Variants in SLC7A5 observed in about 807,000 individuals in gnomAD.
The protein encoded by SLC7A5 is solute carrier family 7 member 5.
Under a neutral mutation model 50.2 loss-of-function variants are expected in SLC7A5, and 23 were observed. The observed-to-expected ratio is 0.46, with a 90% CI of 0.33 to 0.65. The LOEUF is 0.65. SLC7A5 is among the 30% of genes least tolerant of loss of function. SLC7A5 has a pLI of 0.02. For synonymous variants in SLC7A5, 393 were observed against 330.6 expected (o/e 1.19, Z -2.05); for missense variants, 578 against 684.4 (o/e 0.84, Z 1.73).
At chr16:87,846,233 A>C (rs113762230) in intron 2 of SLC7A5, among the ~76,000 whole-genome samples, 5,963 of 152,182 alleles carry the variant, frequency 0.039, 377 homozygotes, top group African/African-American at 0.13. Flanking sequence ...TGACCCTGAG[A>C]CTGTCTGAGA....
chr16:87,855,195 G>A (rs781041017), intron 1 of SLC7A5, among the ~76,000 whole-genome samples: 3 of 152,132 alleles, frequency 2.0e-5, no homozygotes, highest in East Asian at 1.9e-4. Context: ...CACTGCTCTC[G>A]CCACGTGCCC....
At position 87,869,262 on chromosome 16, in the gene SLC7A5, T is replaced by A. The variant is rs1257028266; in HGVS notation, c.161A>T (p.Asn54Ile). ...VTLQRNITLL[N>I]GVAIIVGTII... Reference sequence around the variant, plus strand: ...GGTCCCCACGATGATGGCCACGCCGTTGAGCAGCGTGATGTTCCGCTGCAG... The same window carrying A: ...GGTCCCCACGATGATGGCCACGCCGATGAGCAGCGTGATGTTCCGCTGCAG... The change falls in exon 1 of 10, where the codon AAC (asparagine) becomes ATC (isoleucine). Residue 54 changes from asparagine (N) to isoleucine (I), a missense_variant. By Grantham distance (149) the Asn-to-Ile change is moderately radical. Transcript: ENST00000261622. 1 of 1,612,386 alleles carries A rather than the reference T, an allele frequency of 6.2e-7. No individual in the cohort carries two copies. The highest frequency in any genetic ancestry group is 8.5e-7 in the Non-Finnish European group (1 of 1,179,832).
intron 2 of SLC7A5, among the ~76,000 whole-genome samples, chr16:87,843,576 CAG>C (rs1394655108): frequency 6.6e-6 from 1 of 151,928 alleles, no homozygotes; most frequent in Non-Finnish European, 1.5e-5. Flanking sequence ...ACGCTACACA[CAG>C]GGGAGAGACA....
At chr16:87,868,462 T>G (rs1333579775) in intron 1 of SLC7A5, among the ~76,000 whole-genome samples, 1 of 152,250 alleles carries the variant, frequency 6.6e-6, no homozygotes, top group African/African-American at 2.4e-5. Flanking sequence ...AATGATTTTT[T>G]TTTTAACTGC....
rs1185996990 is a variant in SLC7A5 at position 87,862,634 on chromosome 16, GCA to G, written c.538+6249_538+6250del. Among the ~76,000 whole-genome samples, 2 of 152,216 alleles carry G rather than the reference GCA, an allele frequency of 1.3e-5. No individual in the cohort carries two copies. Among genetic ancestry groups the G allele is most frequent in the African/African-American group, 4.8e-5 (2 of 41,444 alleles). ...AGTGAGGCTGAGGGCTGCTCCATGT[GCA>G]CAGTGAGCAGGAGATACAGGCACGT... On this transcript the variant is annotated intron_variant, in intron 1 of 9. Coordinates refer to ENST00000261622, the MANE Select transcript of SLC7A5 (RefSeq NM_003486.7). The surrounding 1 kb of genome is among the most constrained non-coding windows in gnomAD (Gnocchi z 5.3).
intron 2 of SLC7A5, among the ~76,000 whole-genome samples, chr16:87,842,558 T>C (rs79384409): frequency 0.035 from 5,255 of 152,292 alleles, 296 homozygotes; most frequent in African/African-American, 0.12. Context: ...CCAGTTCCTG[T>C]TTTGCACCTG....
chr16:87,863,764 G>A (rs1479728864), intron 1 of SLC7A5: 4 of 151,748 alleles, frequency 2.6e-5, no homozygotes, highest in East Asian at 1.9e-4. Flanking sequence ...TCTGTGGGAC[G>A]TGCCTGGGCG....
chr16:87,842,117 C>T (rs1005716167), intron 2 of SLC7A5, among the ~76,000 whole-genome samples: 7 of 152,206 alleles, frequency 4.6e-5, no homozygotes, highest in African/African-American at 7.2e-5. Flanking sequence ...AGACCAAAGA[C>T]ACCACCGGAA....
chr16:87,855,885 T>C (rs1283190213), intron 1 of SLC7A5, among the ~76,000 whole-genome samples: 2 of 152,112 alleles, frequency 1.3e-5, no homozygotes, highest in African/African-American at 2.4e-5. Flanking sequence ...TACAGGAGCA[T>C]CCGTGGATAG....
At chr16:87,840,600 C>G (rs543570785) in intron 3 of SLC7A5, 127 bp from the exon 4 acceptor site, 1 of 813,048 alleles carries the variant, frequency 1.2e-6, no homozygotes, top group Non-Finnish European at 2.1e-6. Flanking sequence ...GGCTGGAAAG[C>G]GGACCTGGAG....
Position 87,841,394 on chromosome 16 carries a change from G to A in SLC7A5, c.665-239C>T, listed in dbSNP as rs141140606. ...GTGCCCACCTGAGAGGGCACAGGCA[G>A]TTCTGACCACTGCCCAGGAGGGCTC... is the stretch of plus-strand genomic sequence containing the variant. On this transcript the variant is annotated intron_variant, in intron 2 of 9. Coordinates refer to ENST00000261622, the MANE Select transcript of SLC7A5 (RefSeq NM_003486.7). This position sits in a 1 kb window ranked among gnomAD's most constrained non-coding sequence, Gnocchi z 4.8. Among the ~76,000 whole-genome samples the A allele has an allele frequency of 6.6e-6, 1 of 152,340 alleles. No individual in the cohort carries two copies. Among genetic ancestry groups the A allele is most frequent in the African/African-American group, 2.4e-5 (1 of 41,582 alleles).
chr16:87,864,865 G>C (rs532586688), intron 1 of SLC7A5, among the ~76,000 whole-genome samples: 1 of 152,168 alleles, frequency 6.6e-6, no homozygotes, highest in African/African-American at 2.4e-5. Flanking sequence ...AAGATTATGC[G>C]AGTAAACAAG....
chr16:87,866,722 C>A (rs1025287496), intron 1 of SLC7A5, among the ~76,000 whole-genome samples: 2 of 152,154 alleles, frequency 1.3e-5, no homozygotes, highest in African/African-American at 4.8e-5. Context: ...CTGCCTCGGC[C>A]TCCCAAGTGC....
rs1424885264 is a variant in SLC7A5, at chr16:87,853,019, C to T, written c.539-1170G>A. ...GGGCAAAGGCCCAGCACGGGCCACCCACACAGCTCAGATCTCACAGCCCTC... is the reference window on the plus strand; with the variant it reads ...GGGCAAAGGCCCAGCACGGGCCACCTACACAGCTCAGATCTCACAGCCCTC... On this transcript the variant is annotated intron_variant, in intron 1 of 9. Coordinates refer to ENST00000261622, the MANE Select transcript of SLC7A5 (RefSeq NM_003486.7). This position sits in a 1 kb window ranked among gnomAD's most constrained non-coding sequence, Gnocchi z 4.4. 6.6e-6 allele frequency among the ~76,000 whole-genome samples: 1 copy of T among 152,240 alleles called. No homozygotes were observed. The highest frequency in any genetic ancestry group is 2.4e-5 in the African/African-American group (1 of 41,456).
At chr16:87,834,196 C>T (rs16943312) in intron 9 of SLC7A5, among the ~76,000 whole-genome samples, 1 of 152,164 alleles carries the variant, frequency 6.6e-6, no homozygotes, top group African/African-American at 2.4e-5. Flanking sequence ...CCTGGTTTTC[C>T]GGAATCCCTC....
intron 5 of SLC7A5, 77 bp from the exon 6 acceptor site, chr16:87,838,894 C>T: frequency 9.3e-7 from 1 of 1,072,044 alleles, no homozygotes; most frequent in Non-Finnish European, 1.4e-6. Flanking sequence ...GAGCCCTCTG[C>T]ACCGGGCCAG....
chr16:87,867,596 G>A (rs1236892952), intron 1 of SLC7A5, among the ~76,000 whole-genome samples: 4 of 150,466 alleles, frequency 2.7e-5, no homozygotes, highest in Non-Finnish European at 4.4e-5. Context: ...AGAAAACAGC[G>A]CCAACAGGTC....
At position 87,841,063 on chromosome 16, in the gene SLC7A5, C is replaced by T. The variant is rs1482422888; in HGVS notation, c.757G>A (p.Ala253Thr). The change falls in exon 3 of 10, where the codon GCC (alanine) becomes ACC (threonine). Residue 253 changes from alanine to threonine, a missense_variant. Coordinates refer to ENST00000261622, the MANE Select transcript of SLC7A5 (RefSeq NM_003486.7). This position sits in a 1 kb window ranked among gnomAD's most constrained non-coding sequence, Gnocchi z 4.8. The stretch of plus-strand genomic sequence containing the variant: ...TCCAGAACCTACCATCCTCCATAGG[C>T]AAAGAGGCCGCTGTATAATGCCAGC... ...IVLALYSGLF[A>T]YGGWNYLNFV... is the part of the protein sequence containing the mutation. 1 of 1,613,028 alleles carries T rather than the reference C, an allele frequency of 6.2e-7. No homozygotes were observed. Among genetic ancestry groups the T allele is most frequent in the Admixed American group, 1.7e-5 (1 of 60,026 alleles).
chr16:87,843,980 G>A (rs1167949935), intron 2 of SLC7A5, among the ~76,000 whole-genome samples: 4 of 151,148 alleles, frequency 2.6e-5, no homozygotes, highest in Non-Finnish European at 5.9e-5. Flanking sequence ...TGGAAGGAAT[G>A]GCTGAGCGGC....
Sources: gnomAD v4.1 joint callset for allele counts (sites outside exome capture counted in the v4.1 genomes callset) on GRCh38, gnomAD v4.1.1 for gene constraint, Gnocchi (gnomAD v3.1) non-coding constraint, MANE v1.5 for transcripts, NCBI Gene and HGNC (gene_info 2026-07-23, HGNC 2026-07-21) for gene names.